KMT2C: variants seen among roughly 807,000 people sequenced by gnomAD.
KMT2C encodes lysine methyltransferase 2C.
Under a neutral mutation model 507.9 loss-of-function variants are expected in KMT2C, and 88 were observed. That is an observed-to-expected ratio of 0.17 (90% CI 0.15 to 0.21). The LOEUF (loss-of-function observed/expected upper bound fraction) is 0.21, where lower values mean the gene tolerates loss of function less well. Among genes scored for constraint, KMT2C ranks in the 10% least tolerant of loss-of-function variants. KMT2C has a pLI of 1.00. For missense variants in KMT2C, 4,954 were observed against 5,957.8 expected (o/e 0.83, Z 5.55); for synonymous variants, 2,049 against 2,080.8 (o/e 0.98, Z 0.42).
At chr7:152,224,258 C>T (rs1172594801) in intron 19 of KMT2C, 79 bp from the exon 20 acceptor site, 35 of 1,408,292 alleles carry the variant, frequency 2.5e-5, no homozygotes, top group South Asian at 6.3e-5. Flanking sequence ...AAGCTACATA[C>T]GAACATAATG....
At chr7:152,185,235 T>G (rs897008944) in intron 34 of KMT2C, among the ~76,000 whole-genome samples, 1 of 152,184 alleles carries the variant, frequency 6.6e-6, no homozygotes, top group Non-Finnish European at 1.5e-5. Context: ...TCCACAGATA[T>G]AGAACTCATG....
chr7:152,336,912 G>A (rs2096940664), intron 2 of KMT2C, among the ~76,000 whole-genome samples: 2 of 152,128 alleles, frequency 1.3e-5, no homozygotes. Context: ...ATAAGGACAG[G>A]CAAGGCGATT....
intron 46 of KMT2C, chr7:152,154,820 T>G (rs1049901817): frequency 4.2e-5 from 7 of 164,954 alleles, no homozygotes; most frequent in African/African-American, 1.7e-4. Flanking sequence ...GCTGGTTGGA[T>G]TTAACAATAA....
At position 152,177,008 on chromosome 7, in the gene KMT2C, T is replaced by G. The variant is rs2129114041; in HGVS notation, c.8445A>C (p.Lys2815Asn). 1 of 1,614,152 alleles carries G rather than the reference T, an allele frequency of 6.2e-7. No individual in the cohort carries two copies. Among genetic ancestry groups the G allele is most frequent in the Non-Finnish European group, 8.5e-7 (1 of 1,180,016 alleles). ...VLSDKHSPQK[K>N]STVTNEVKTE... ...TTTTTACCTCATTGGTAACAGTGGA[T>G]TTTTTCTGTGGTGAATGTTTATCAG... Residue 2815 changes from lysine to asparagine, a missense_variant, in exon 38 of 59, where the codon AAA (lysine) becomes AAC (asparagine). This residue lies in a region of KMT2C where 1,689 missense variants were observed against 1,654.3 expected (regional missense o/e 1.02). Transcript: ENST00000262189.
intron 2 of KMT2C, among the ~76,000 whole-genome samples, chr7:152,353,133 A>G (rs1226956463): frequency 2.0e-5 from 3 of 152,204 alleles, no homozygotes; most frequent in Non-Finnish European, 4.4e-5. Flanking sequence ...ACAAAAGATC[A>G]AATTTTCTCA....
At chr7:152,311,154 C>A (rs2096668312) in intron 5 of KMT2C, among the ~76,000 whole-genome samples, 1 of 151,976 alleles carries the variant, frequency 6.6e-6, no homozygotes, top group African/African-American at 2.4e-5. Context: ...ATAAAGCAAA[C>A]AAAGTATTAC....
intron 6 of KMT2C, among the ~76,000 whole-genome samples, chr7:152,309,039 G>T (rs1046405133): frequency 6.6e-6 from 1 of 151,944 alleles, no homozygotes; most frequent in African/African-American, 2.4e-5. Flanking sequence ...ACTGCTGACC[G>T]AACTAAAAAA....
intron 2 of KMT2C, among the ~76,000 whole-genome samples, chr7:152,333,798 CA>C (rs1208163753): frequency 6.6e-6 from 1 of 152,038 alleles, no homozygotes; most frequent in Non-Finnish European, 1.5e-5. Context: ...AAGCATCAAA[CA>C]GATGGTTTTG....
chr7:152,290,220 ATGTGTGTGTGTGTG>A (rs71198772), intron 6 of KMT2C, among the ~76,000 whole-genome samples: 12 of 86,290 alleles, frequency 1.4e-4, no homozygotes, highest in African/African-American at 5.2e-4. Context: ...TTATATATAT[ATGTGTGTGTGTGTG>A]TGTGTGTGTG....
chr7:152,368,768 T>A (rs2097268226), intron 1 of KMT2C: 1 of 808,652 alleles, frequency 1.2e-6, no homozygotes. Context: ...TCCATAATGA[T>A]GGATTTAACA....
rs2093422550 is a variant in KMT2C at position 152,181,146 on chromosome 7, C to A, written c.6714G>T (p.Met2238Ile). Residue 2238 changes from methionine to isoleucine, a missense_variant, in exon 36 of 59, where the codon ATG (methionine) becomes ATT (isoleucine). Transcript: ENST00000262189. ...RISEGFTRSS[M>I]TRPVLMPNQD... The stretch of plus-strand genomic sequence containing the variant: ...GATTTGGCATGAGGACTGGTCTTGT[C>A]ATTGAGGACCTAGTAAAACCCTCTG... 6.2e-7 allele frequency: 1 copy of A among 1,613,994 alleles called. No homozygotes were observed. Among genetic ancestry groups the A allele is most frequent in the Admixed American group, 1.7e-5 (1 of 59,994 alleles).
chr7:152,252,230 A>C, intron 10 of KMT2C, 140 bp from the exon 11 acceptor site: 1 of 629,762 alleles, frequency 1.6e-6, no homozygotes, highest in Non-Finnish European at 2.6e-6. Flanking sequence ...TTGCTAACTG[A>C]CAAAGGTTTT....
intron 27 of KMT2C, among the ~76,000 whole-genome samples, chr7:152,197,143 T>C (rs2093986439): frequency 6.6e-6 from 1 of 151,778 alleles, no homozygotes; most frequent in African/African-American, 2.4e-5. Context: ...GTCTGAGAGG[T>C]GAGGTGATGA....
intron 6 of KMT2C, among the ~76,000 whole-genome samples, chr7:152,308,483 C>A (rs1260875501): frequency 6.6e-6 from 1 of 151,762 alleles, no homozygotes; most frequent in Admixed American, 6.6e-5. Flanking sequence ...CAAGATCAGG[C>A]TGGCCAACGT....
chr7:152,194,375 A>C, intron 29 of KMT2C, 65 bp downstream of exon 29: 1 of 1,522,170 alleles, frequency 6.6e-7, no homozygotes, highest in East Asian at 2.3e-5. Flanking sequence ...AACCATGCAA[A>C]AATCTTTAAA....
chr7:152,248,475 A>G lies in KMT2C; in HGVS notation c.1959T>C (p.Ile653=), dbSNP rs2129164433. Residue 653 remains isoleucine, a synonymous_variant, in exon 14 of 59, where the codon ATT becomes ATC. Transcript: ENST00000262189. ...IEDKMEVTEN[I]EVVTHQITVQ... ...CAGTGATCTGGTGTGTAACGACTTC[A>G]ATGTTTTCTGTCACTTCCATTTTAT... The G allele has an allele frequency of 6.2e-7, 1 of 1,614,006 alleles. No homozygotes were observed. The highest frequency in any genetic ancestry group is 8.5e-7 in the Non-Finnish European group (1 of 1,179,942).
intron 23 of KMT2C, among the ~76,000 whole-genome samples, chr7:152,212,875 T>C (rs1588255273): frequency 1.3e-5 from 2 of 152,302 alleles, no homozygotes; most frequent in Middle Eastern, 6.8e-3. Flanking sequence ...ACCCTGTCTC[T>C]ACTAAAAATA....
rs73474716 is a variant in KMT2C, at chr7:152,421,719, C to T, written c.161+13907G>A. 7.9e-3 allele frequency among the ~76,000 whole-genome samples: 1,208 copies of T among 152,254 alleles called. 20 individuals carry two copies. The highest frequency in any genetic ancestry group is 0.028 in the African/African-American group (1,146 of 41,546). The stretch of plus-strand genomic sequence containing the variant: ...TGTGGACACAGAGGGGACCAAGAGA[C>T]ACCAAGGCTTACTCGAGGGTGGAGG... On this transcript the variant is annotated intron_variant, in intron 1 of 58. Transcript: ENST00000262189.
chr7:152,359,963 C>T (rs1401649945), intron 1 of KMT2C, among the ~76,000 whole-genome samples: 1 of 144,950 alleles, frequency 6.9e-6, no homozygotes, highest in Non-Finnish European at 1.5e-5. Flanking sequence ...GCACAAGAAT[C>T]GCTTGAACCT....
Sources: allele counts gnomAD v4.1 joint callset (sites outside exome capture counted in the v4.1 genomes callset), GRCh38; gene constraint gnomAD v4.1.1; regional missense constraint gnomAD v4.1.1; transcripts MANE v1.5; gene names NCBI Gene and HGNC (gene_info 2026-07-23, HGNC 2026-07-21).